The following PCNA variants were observed in gnomAD, a reference collection of about 807,000 sequenced individuals.
PCNA encodes the protein proliferating cell nuclear antigen, also known as DNA sliding clamp PCNA.
PCNA carries 4 observed loss-of-function variants against 27.8 expected under a neutral mutation model. The observed-to-expected ratio is 0.14, with a 90% confidence interval of 0.07 to 0.33. The LOEUF is 0.33. Among genes scored for constraint, PCNA ranks in the 10% least tolerant of loss-of-function variants. The probability of loss-of-function intolerance (pLI) is 1.00; values close to 1 mark genes in which losing one functional copy is unlikely to be tolerated. For missense variants in PCNA, 165 were observed against 327.4 expected (o/e 0.50, Z 3.83); for synonymous variants, 121 against 119.4 (o/e 1.01, Z -0.09).
upstream of PCNA, among the ~76,000 whole-genome samples, chr20:5,120,615 T>C (rs1568521006): frequency 1.3e-5 from 2 of 152,178 alleles, no homozygotes; most frequent in Non-Finnish European, 2.9e-5. Flanking sequence ...GTACATTTAA[T>C]TTTATGCCAC....
intron 1 of PCNA, among the ~76,000 whole-genome samples, chr20:5,126,009 G>A (rs1044239769): frequency 3.3e-5 from 5 of 152,192 alleles, no homozygotes; most frequent in Admixed American, 2.0e-4. Context: ...GGAGGCGGAC[G>A]GATCACCTGA....
chr20:5,125,780 A>G (rs1006990596), intron 1 of PCNA, among the ~76,000 whole-genome samples: 1 of 152,188 alleles, frequency 6.6e-6, no homozygotes, highest in East Asian at 1.9e-4. Context: ...GGCACTTTCT[A>G]GCTGGGAGAC....
upstream of PCNA, among the ~76,000 whole-genome samples, chr20:5,124,330 A>G (rs775284317): frequency 9.2e-5 from 14 of 152,206 alleles, no homozygotes; most frequent in Non-Finnish European, 1.9e-4. Flanking sequence ...TACCAAGATC[A>G]AGCATGCTTA....
At chr20:5,124,932 A>T (rs577682668), upstream of PCNA, among the ~76,000 whole-genome samples, 6 of 152,326 alleles carry the variant, frequency 3.9e-5, no homozygotes, top group African/African-American at 1.4e-4. Context: ...GGATTTGAAA[A>T]GGAGCAGCTG....
chr20:5,118,726 G>T, intron 2 of PCNA, 43 bp downstream of exon 2: 2 of 1,606,628 alleles, frequency 1.2e-6, no homozygotes, highest in South Asian at 1.1e-5. Flanking sequence ...ACAGAGTTTT[G>T]ATTTTCTGTA....
chr20:5,120,893 G>A (rs1193422383), upstream of PCNA, among the ~76,000 whole-genome samples: 3 of 151,922 alleles, frequency 2.0e-5, no homozygotes, highest in East Asian at 3.9e-4. Context: ...TGCAACCTCC[G>A]CCTCCCAGGT....
Position 5,118,490 on chromosome 20 carries a change from T to C in PCNA, c.387+120A>G, listed in dbSNP as rs2090491835. The C allele has an allele frequency of 5.8e-6, 4 of 695,056 alleles. 1 individual carries two copies. The highest frequency in any genetic ancestry group is 5.2e-5 in the South Asian group (3 of 57,430). The allele number at this position is 695,056 out of a possible 1,614,324, so 43.1% of individuals were successfully genotyped here. A position where few individuals can be genotyped will look rare whatever the true frequency, so the allele number is the denominator to read the frequency against. The stretch of plus-strand genomic sequence containing the variant: ...CAGGTTAGAGAGAGCTATATGGCAC[T>C]ACTGCACTCCAGCCTGGGCAACAGA... On this transcript the variant is annotated intron_variant, in intron 3 of 5. Coordinates refer to ENST00000379143, the MANE Select transcript of PCNA (RefSeq NM_182649.2).
chr20:5,121,599 T>C (rs954073734), upstream of PCNA: 1 of 152,260 alleles, frequency 6.6e-6, no homozygotes, highest in Non-Finnish European at 1.5e-5. Context: ...TTATTTTATG[T>C]AGCACAAGCA....
intron 4 of PCNA, 53 bp downstream of exon 4, chr20:5,117,417 G>T: frequency 4.2e-6 from 5 of 1,184,234 alleles, no homozygotes; most frequent in South Asian, 1.5e-5. Flanking sequence ...AACCTAATAA[G>T]CAGTATTATA....
At chr20:5,126,556 C>G (rs1411843087) in exon 1 of PCNA, 3 of 152,348 alleles carry the variant, frequency 2.0e-5, no homozygotes, top group East Asian at 1.9e-4. Context: ...GCTAGAGCCT[C>G]CGGGTGGCGC....
At chr20:5,119,962 G>C (rs1253465315), upstream of PCNA, 3 of 618,848 alleles carry the variant, frequency 4.8e-6, no homozygotes, top group Non-Finnish European at 5.7e-6. Context: ...GTTTAATGCC[G>C]CCGCGTCCGC....
At chr20:5,123,084 A>T (rs533844021), upstream of PCNA, among the ~76,000 whole-genome samples, 2 of 152,340 alleles carry the variant, frequency 1.3e-5, no homozygotes, top group East Asian at 3.9e-4. Flanking sequence ...CTAGGCTGAG[A>T]GAATAGCATG....
chr20:5,126,081 A>G (rs1011948163), intron 1 of PCNA, among the ~76,000 whole-genome samples: 4 of 152,160 alleles, frequency 2.6e-5, no homozygotes, highest in African/African-American at 7.2e-5. Context: ...TAAAAATACA[A>G]AAGTTAGCCG....
chr20:5,120,015 G>A (rs1367834844), upstream of PCNA: 2 of 577,136 alleles, frequency 3.5e-6, no homozygotes, highest in Non-Finnish European at 6.2e-6. Context: ...ACGTCACCAC[G>A]CTGTCCAGCC....
intron 4 of PCNA, 23 bp downstream of exon 4, chr20:5,117,444 TTTC>T (rs1197009287): frequency 2.6e-6 from 4 of 1,524,426 alleles, no homozygotes; most frequent in Middle Eastern, 1.7e-4. Context: ...TTCAAACTAT[TTTC>T]TTTTTACTTA....
At chr20:5,116,502 A>C (rs1475524291) in intron 4 of PCNA, among the ~76,000 whole-genome samples, 1 of 152,198 alleles carries the variant, frequency 6.6e-6, no homozygotes, top group Admixed American at 6.5e-5. Flanking sequence ...GGGACAAGAG[A>C]GCAATATATA....
chr20:5,125,429 C>G (rs183049622), intron 1 of PCNA, among the ~76,000 whole-genome samples: 2 of 151,902 alleles, frequency 1.3e-5, no homozygotes, highest in East Asian at 3.9e-4. Flanking sequence ...CAAGACCAGT[C>G]TGGGCAACAT....
At position 5,118,016 on chromosome 20, in the gene PCNA, G is replaced by A. The variant is rs76222379; in HGVS notation, c.388-352C>T. Reference sequence around the variant, plus strand: ...CATTCAAACATTTCTTCTCTCCTTTGGTGTTTATAAACCTAACCTGGATAA... The same window carrying A: ...CATTCAAACATTTCTTCTCTCCTTTAGTGTTTATAAACCTAACCTGGATAA... On this transcript the variant is annotated intron_variant, in intron 3 of 5. Coordinates refer to ENST00000379143, the MANE Select transcript of PCNA (RefSeq NM_182649.2). Among the ~76,000 whole-genome samples the A allele has an allele frequency of 4.2e-4, 64 of 152,226 alleles. No homozygotes were observed. The East Asian group carries it at 9.8e-3, about 23-fold the overall frequency.
Position 5,119,579 on chromosome 20 carries a change from T to A in PCNA, c.220A>T (p.Ser74Cys), listed in dbSNP as rs776541305. The change falls in exon 1 of 6, where the codon AGT (serine) becomes TGT (cysteine). Residue 74 changes from serine (S) to cysteine (C), a missense_variant and splice_region_variant. By Grantham distance (112) the Ser-to-Cys change is moderately radical. Transcript: ENST00000379143. ...RNLAMGVNLT[S>C]MSKILKCAGN... is the part of the protein sequence containing the mutation. ...GCTTCCCGGGGCCGCGAGGCTCACC[T>A]GGTGAGGTTCACGCCCATGGCCAGG... 1.2e-6 allele frequency: 2 copies of A among 1,610,826 alleles called. No individual in the cohort carries two copies. The highest frequency in any genetic ancestry group is 1.1e-5 in the South Asian group (1 of 90,676).
Sources: gnomAD v4.1 joint callset for allele counts (sites outside exome capture counted in the v4.1 genomes callset) on GRCh38, gnomAD v4.1.1 for gene constraint, MANE v1.5 for transcripts, NCBI Gene and HGNC (gene_info 2026-07-23, HGNC 2026-07-21) for gene names.